Variants in DYNLT2B observed in about 807,000 individuals in gnomAD.
DYNLT2B encodes dynein light chain Tctex-type protein 2B.
A neutral mutation model predicts 19.5 loss-of-function variants in DYNLT2B; 14 were observed. That is an observed-to-expected ratio of 0.72 (90% CI 0.47 to 1.12). DYNLT2B has a LOEUF of 1.12. DYNLT2B is among the 50% of genes most tolerant of loss of function. The pLI is 0.00. For missense variants in DYNLT2B, 133 were observed against 174.7 expected (o/e 0.76, Z 1.35); for synonymous variants, 70 against 59.7 (o/e 1.17, Z -0.79).
chr3:196,307,144 G>A (rs1344975936), intron 2 of DYNLT2B, 132 bp from the exon 3 acceptor site: 2 of 719,140 alleles, frequency 2.8e-6, no homozygotes, highest in Middle Eastern at 3.9e-4. Flanking sequence ...AAGCTTGGGG[G>A]TCAGGAGGAC....
chr3:196,317,838 TG>T (rs1248580989), intron 1 of DYNLT2B, among the ~76,000 whole-genome samples: 1 of 152,004 alleles, frequency 6.6e-6, no homozygotes, highest in East Asian at 1.9e-4. Context: ...AGGAAGCGGG[TG>T]GGGTCCCCTG....
At position 196,296,058 on chromosome 3, in the gene DYNLT2B, C is replaced by T. The variant is rs774457947; in HGVS notation, c.329G>A (p.Arg110His). ...QRGEGVFMAS[R>H]CFWDADTDNY... ...GTCAGTGTCAGCATCCCAGAAACAG[C>T]GAGAAGCCATGCTAAAAAATCCAAG... The change falls in exon 4 of 5, where the codon CGC (arginine) becomes CAC (histidine). Residue 110 changes from arginine (R) to histidine (H), a missense_variant. Coordinates refer to ENST00000325318, the MANE Select transcript of DYNLT2B (RefSeq NM_152773.5). 3.3e-5 allele frequency: 54 copies of T among 1,613,344 alleles called. No homozygotes were observed. The highest frequency in any genetic ancestry group is 1.6e-4 in the Middle Eastern group (1 of 6,084).
chr3:196,317,907 G>GCGGCCTCCCGCCTCC lies in DYNLT2B; in HGVS notation c.113+118_113+132dup, dbSNP rs1472152382. 3.7e-4 allele frequency: 142 copies of GCGGCCTCCCGCCTCC among 381,376 alleles called. 1 individual carries two copies. The highest frequency in any genetic ancestry group is 2.8e-3 in the African/African-American group (133 of 46,904). 23.6% of individuals were successfully genotyped at this position (381,376 alleles called of 1,614,324 possible). On this transcript the variant is annotated intron_variant, in intron 1 of 4. Transcript: ENST00000325318. The stretch of plus-strand genomic sequence containing the variant: ...CACAGCAGGGCCGCCCGCCCGCCTC[G>GCGGCCTCCCGCCTCC]CGGCCTCCCGCCTCCCGCCCCGCGG...
At chr3:196,304,186 G>A (rs999113626) in intron 3 of DYNLT2B, among the ~76,000 whole-genome samples, 2 of 151,916 alleles carry the variant, frequency 1.3e-5, no homozygotes, top group Non-Finnish European at 2.9e-5. Flanking sequence ...AGGCTGGAGT[G>A]CAGTGGCGTG....
At chr3:196,307,476 T>A (rs1200701838) in intron 2 of DYNLT2B, among the ~76,000 whole-genome samples, 1 of 151,954 alleles carries the variant, frequency 6.6e-6, no homozygotes, top group Non-Finnish European at 1.5e-5. Context: ...CTAATTTTTG[T>A]ATTTTTAGTA....
At chr3:196,294,632 A>AT (rs767688678) in intron 4 of DYNLT2B, among the ~76,000 whole-genome samples, 1 of 152,224 alleles carries the variant, frequency 6.6e-6, no homozygotes, top group Non-Finnish European at 1.5e-5. Flanking sequence ...AATGTCACTG[A>AT]TACAATGTGA....
intron 3 of DYNLT2B, among the ~76,000 whole-genome samples, chr3:196,300,104 AC>A (rs1459707764): frequency 6.6e-6 from 1 of 152,194 alleles, no homozygotes; most frequent in Non-Finnish European, 1.5e-5. Flanking sequence ...TCTAACTGGA[AC>A]AGACGAGGAA....
chr3:196,299,459 GCA>G (rs768949703), intron 3 of DYNLT2B, among the ~76,000 whole-genome samples: 13 of 152,010 alleles, frequency 8.6e-5, no homozygotes, highest in Non-Finnish European at 1.8e-4. Context: ...CTGAGCTCAG[GCA>G]ATCTGCCCGC....
Position 196,316,123 on chromosome 3 carries a change from T to C in DYNLT2B, c.222A>G (p.Ser74=), listed in dbSNP as rs1248651890. Residue 74 remains serine, a synonymous_variant, in exon 2 of 5, where the codon TCA becomes TCG. Transcript: ENST00000325318. ...CTTTTAATTTATCTTTAATGTTTTC[T>C]GATAAATGTTTTGTAAGCTGAGGCA... ...EEMPQLTKHL[S]ENIKDKLKEM... 6.2e-7 allele frequency: 1 copy of C among 1,613,496 alleles called. No individual in the cohort carries two copies. Among genetic ancestry groups the C allele is most frequent in the Non-Finnish European group, 8.5e-7 (1 of 1,179,688 alleles).
At position 196,317,051 on chromosome 3, in the gene DYNLT2B, GGTGTGTGTGTGGT is replaced by G. The variant is rs1185797248; in HGVS notation, c.114-833_114-821del. Among the ~76,000 whole-genome samples the G allele has an allele frequency of 7.4e-4, 52 of 70,002 alleles. 1 individual carries two copies. Among genetic ancestry groups the G allele is most frequent in the African/African-American group, 2.3e-3 (48 of 21,108 alleles). 45.9% of individuals were successfully genotyped at this position (70,002 alleles called of 152,430 possible). On this transcript the variant is annotated intron_variant, in intron 1 of 4. Coordinates refer to ENST00000325318, the MANE Select transcript of DYNLT2B (RefSeq NM_152773.5). The stretch of plus-strand genomic sequence containing the variant: ...GTGTGTGTGTGTGTGTGTGTTGTGT[GGTGTGTGTGTGGT>G]GTGTGTGTGTGTGTGTGTGTGTGTA...
chr3:196,310,455 A>C (rs149063863), intron 2 of DYNLT2B, among the ~76,000 whole-genome samples: 182 of 146,210 alleles, frequency 1.2e-3, no homozygotes, highest in African/African-American at 4.3e-3. Flanking sequence ...TTGAGAGGGA[A>C]TCTCGCTCTG....
chr3:196,316,054 C>A, intron 2 of DYNLT2B, 44 bp downstream of exon 2: 1 of 1,598,724 alleles, frequency 6.3e-7, no homozygotes, highest in South Asian at 1.1e-5. Flanking sequence ...GTAATACTGA[C>A]TCTGTGAAGA....
At chr3:196,315,421 C>T (rs576472349) in intron 2 of DYNLT2B, 2 of 303,210 alleles carry the variant, frequency 6.6e-6, no homozygotes, top group South Asian at 5.0e-5. Flanking sequence ...TGCCACCACA[C>T]CCAGCTATTT....
At chr3:196,317,198 A>G (rs1391488595) in intron 1 of DYNLT2B, among the ~76,000 whole-genome samples, 1 of 103,260 alleles carries the variant, frequency 9.7e-6, no homozygotes, top group Admixed American at 1.2e-4. Context: ...GTGTGTGTGT[A>G]AAGTTAGTGA....
chr3:196,297,947 C>T (rs1223380054), intron 3 of DYNLT2B: 1 of 153,096 alleles, frequency 6.5e-6, no homozygotes, highest in African/African-American at 2.4e-5. Flanking sequence ...AAAATATATT[C>T]CCAATAAAAC....
intron 3 of DYNLT2B, among the ~76,000 whole-genome samples, chr3:196,303,923 C>T (rs953888126): frequency 2.0e-5 from 3 of 152,020 alleles, no homozygotes; most frequent in Non-Finnish European, 2.9e-5. Flanking sequence ...TTTGGGAAGC[C>T]GAGGCAGGAG....
chr3:196,313,158 G>C (rs1726685814), intron 2 of DYNLT2B, among the ~76,000 whole-genome samples: 3 of 151,940 alleles, frequency 2.0e-5, no homozygotes, highest in Admixed American at 2.0e-4. Context: ...CATGTATATG[G>C]ACATGTAGAA....
chr3:196,315,139 A>G (rs1350300275), intron 2 of DYNLT2B: 2 of 381,676 alleles, frequency 5.2e-6, no homozygotes, highest in Admixed American at 3.8e-5. Flanking sequence ...GCAAAAACTT[A>G]CATGAGTAAA....
intron 2 of DYNLT2B, among the ~76,000 whole-genome samples, chr3:196,309,971 A>C (rs578022700): frequency 1.3e-5 from 2 of 152,150 alleles, no homozygotes; most frequent in East Asian, 1.9e-4. Flanking sequence ...AAAGAAAAGA[A>C]AGAAAAAAAT....
Sources: allele counts gnomAD v4.1 joint callset (sites outside exome capture counted in the v4.1 genomes callset), GRCh38; gene constraint gnomAD v4.1.1; transcripts MANE v1.5; gene names NCBI Gene and HGNC (gene_info 2026-07-23, HGNC 2026-07-21).